Variants in PLEC observed in about 807,000 individuals in gnomAD.
The protein encoded by PLEC is plectin.
In PLEC, 216 loss-of-function variants were observed where a neutral mutation model predicts 392.8. The observed-to-expected ratio is 0.55, with a 90% CI of 0.49 to 0.62. PLEC has a LOEUF of 0.62. Ranked by LOEUF, PLEC falls within the 20% of genes least tolerant of loss-of-function variation. The pLI, the probability that PLEC is intolerant of heterozygous loss-of-function variation, is 0.00. For synonymous variants in PLEC, 3,621 were observed against 2,980.6 expected (o/e 1.21, Z -7.00); for missense variants, 6,863 against 6,563.4 (o/e 1.05, Z -1.58).
Position 143,920,295 on chromosome 8 carries a change from C to T in PLEC, c.9526G>A (p.Ala3176Thr). The T allele has an allele frequency of 6.3e-7, 1 of 1,589,868 alleles. No homozygotes were observed. ...ETSRALSAPR[A>T]DAKAYSDPST... ...GGGTCACTGTAGGCCTTGGCGTCGGCCCTTGGTGCCGACAGGGCCCTGCTG... is the reference window on the plus strand; with the variant it reads ...GGGTCACTGTAGGCCTTGGCGTCGGTCCTTGGTGCCGACAGGGCCCTGCTG... Residue 3176 changes from alanine (A) to threonine (T), a missense_variant, in exon 32 of 32, where the codon GCC (alanine) becomes ACC (threonine). Coordinates refer to ENST00000345136, the MANE Select transcript of PLEC (RefSeq NM_201384.3).
Position 143,922,621 on chromosome 8 carries a change from G to T in PLEC, c.7308C>A (p.Ile2436=), listed in dbSNP as rs782774075. 1 of 1,613,486 alleles carries T rather than the reference G, an allele frequency of 6.2e-7. No individual in the cohort carries two copies. Among genetic ancestry groups the T allele is most frequent in the Non-Finnish European group, 8.5e-7 (1 of 1,179,980 alleles). The change falls in exon 31 of 32, where the codon ATC becomes ATA. Residue 2436 remains isoleucine, a synonymous_variant. Transcript: ENST00000345136. ...CATCATGGTCACTCTGCTGTCGCTG[G>T]ATCTCCAGTGTCTGCACCAGGGTCA... ...EKVTLVQTLE[I]QRQQSDHDAE... is the part of the protein sequence containing the mutation.
chr8:143,974,709 A>G (rs921849929), upstream of PLEC, among the ~76,000 whole-genome samples: 3 of 152,110 alleles, frequency 2.0e-5, no homozygotes, highest in Admixed American at 1.3e-4. This position sits in a 1 kb window ranked among gnomAD's most constrained non-coding sequence, Gnocchi z 5.9. Flanking sequence ...CCCTTCCCCA[A>G]GCATCTCGCT....
At chr8:143,948,867 G>C (rs1831802485) in intron 1 of PLEC, among the ~76,000 whole-genome samples, 1 of 152,248 alleles carries the variant, frequency 6.6e-6, no homozygotes, top group Non-Finnish European at 1.5e-5. Flanking sequence ...GGGCAGGGGT[G>C]CCGGGTGGGA....
chr8:143,966,399 C>G (rs6981529), intron 1 of PLEC, among the ~76,000 whole-genome samples: 45,509 of 152,206 alleles, frequency 0.3, 8,058 homozygotes, highest in Non-Finnish European at 0.39. Flanking sequence ...GCATACCTAT[C>G]TCACAGGCAT....
chr8:143,929,358 G>A (rs1275177294), intron 24 of PLEC, 56 bp downstream of exon 24: 76 of 1,573,428 alleles, frequency 4.8e-5, no homozygotes, highest in Non-Finnish European at 6.1e-5. Flanking sequence ...AAGGAGGGAG[G>A]GTGGGAGGAG....
chr8:143,927,277 G>A lies in PLEC; in HGVS notation c.3815C>T (p.Ala1272Val), dbSNP rs1203429691. ...GEKVEECQRF[A>V]KQYINAIKDY... ...CTTGATGGCGTTGATGTACTGTTTC[G>A]CAAACCTCTGGCACTCCTCGACCTT... Residue 1272 changes from alanine to valine, a missense_variant, in exon 28 of 32, where the codon GCG (alanine) becomes GTG (valine). Physicochemically the swap from Ala to Val is moderately conservative, Grantham distance 64. Coordinates refer to ENST00000345136, the MANE Select transcript of PLEC (RefSeq NM_201384.3). 2.5e-6 allele frequency: 4 copies of A among 1,613,126 alleles called. No individual in the cohort carries two copies. The highest frequency in any genetic ancestry group is 2.7e-5 in the African/African-American group (2 of 74,936).
chr8:143,921,011 T>A lies in PLEC; in HGVS notation c.8810A>T (p.Gln2937Leu), dbSNP rs782244419. 3 of 1,613,238 alleles carry A rather than the reference T, an allele frequency of 1.9e-6. No homozygotes were observed. The highest frequency in any genetic ancestry group is 2.5e-6 in the Non-Finnish European group (3 of 1,180,026). Reference sequence around the variant, plus strand: ...GAACTGCCGCAGCAGGTCCCGCCGCTGCTCTGCCGTGAAGTATTCCGAGTT... The same window carrying A: ...GAACTGCCGCAGCAGGTCCCGCCGCAGCTCTGCCGTGAAGTATTCCGAGTT... ...IINSEYFTAE[Q>L]RRDLLRQFRT... Residue 2937 changes from glutamine to leucine, a missense_variant, in exon 32 of 32, where the codon CAG (glutamine) becomes CTG (leucine). Gln to Leu is a moderately radical substitution (Grantham distance 113). Transcript: ENST00000345136.
At chr8:143,926,327 A>C (rs1299977298) in intron 30 of PLEC, among the ~76,000 whole-genome samples, 1 of 152,102 alleles carries the variant, frequency 6.6e-6, no homozygotes, top group Non-Finnish European at 1.5e-5. Flanking sequence ...CAGCGTGGAG[A>C]CAGCAGTGCA....
chr8:143,943,682 G>A, upstream of PLEC: 1 of 1,170,830 alleles, frequency 8.5e-7, no homozygotes, highest in East Asian at 2.5e-5. Flanking sequence ...CATTCAGCTT[G>A]GAAACAGGAA....
chr8:143,946,869 C>T (rs782451093), intron 1 of PLEC, among the ~76,000 whole-genome samples: 1 of 151,526 alleles, frequency 6.6e-6, no homozygotes, highest in Non-Finnish European at 1.5e-5. Context: ...ACTCACATTC[C>T]TCAGCCCCAA....
At chr8:143,946,480 G>A (rs907414050) in intron 1 of PLEC, 13 of 948,720 alleles carry the variant, frequency 1.4e-5, no homozygotes, top group Non-Finnish European at 1.6e-5. Context: ...CAGAGGGAGG[G>A]CCCACTCATG....
Position 143,915,890 on chromosome 8 carries a change from T to C in PLEC, c.*287A>G. 3.6e-6 allele frequency: 1 copy of C among 278,080 alleles called. No homozygotes were observed. Among genetic ancestry groups the C allele is most frequent in the South Asian group, 6.7e-5 (1 of 14,986 alleles). 17.2% of individuals were successfully genotyped at this position (278,080 alleles called of 1,614,324 possible). On this transcript the variant is annotated 3_prime_UTR_variant, in exon 32 of 32. Coordinates refer to ENST00000345136, the MANE Select transcript of PLEC (RefSeq NM_201384.3). ...ACCCTGGGAAGACAGGAGGGTGGGC[T>C]GGGGCCCAGCTTGGGACCCTCCAAG...
upstream of PLEC, chr8:143,943,715 G>A (rs1830923676): frequency 6.8e-7 from 1 of 1,464,936 alleles, no homozygotes. Flanking sequence ...GGGAATGAAG[G>A]GGCGGGAGGC....
At position 143,925,922 on chromosome 8, in the gene PLEC, A is replaced by T. The variant is rs782820045; in HGVS notation, c.4045-38T>A. 240 of 1,531,800 alleles carry T rather than the reference A, an allele frequency of 1.6e-4. 2 individuals carry two copies. The highest frequency in any genetic ancestry group is 2.0e-4 in the Non-Finnish European group (224 of 1,144,120). 94.9% of individuals were successfully genotyped at this position (1,531,800 alleles called of 1,614,324 possible). A position where few individuals can be genotyped will look rare whatever the true frequency, so the allele number is the denominator to read the frequency against. On this transcript the variant is annotated intron_variant, in intron 30 of 31. Coordinates refer to ENST00000345136, the MANE Select transcript of PLEC (RefSeq NM_201384.3). ...CAGAGAGAAGAAGAGAAGCAGAGAG[A>T]GTGTGAACACGGGCAGGCGCTGACG...
upstream of PLEC, among the ~76,000 whole-genome samples, chr8:143,973,797 A>G (rs1440862940): frequency 6.7e-6 from 1 of 149,410 alleles, no homozygotes; most frequent in Non-Finnish European, 1.5e-5. This position sits in a 1 kb window ranked among gnomAD's most constrained non-coding sequence, Gnocchi z 5.6. Flanking sequence ...GGCGGCCGCG[A>G]CCTGTCTGTT....
Position 143,919,403 on chromosome 8 carries a change from C to T in PLEC, c.10418G>A (p.Gly3473Asp), listed in dbSNP as rs1554678160. 1 of 1,613,344 alleles carries T rather than the reference C, an allele frequency of 6.2e-7. No homozygotes were observed. Among genetic ancestry groups the T allele is most frequent in the Admixed American group, 1.7e-5 (1 of 60,008 alleles). Residue 3473 changes from glycine to aspartate, a missense_variant, in exon 32 of 32, where the codon GGC becomes GAC. By Grantham distance (94) the Gly-to-Asp change is moderately conservative. Transcript: ENST00000345136. ...RLLEAQIATG[G>D]IIDPVHSHRV... is the part of the protein sequence containing the mutation. ...GTGGCTGTGCACGGGGTCGATGATG[C>T]CGCCCGTGGCGATCTGGGCCTCCAG...
chr8:143,945,991 G>T (rs1554731978), intron 1 of PLEC, among the ~76,000 whole-genome samples: 1 of 152,270 alleles, frequency 6.6e-6, no homozygotes, highest in African/African-American at 2.4e-5. Flanking sequence ...ACAGCATCTG[G>T]CCAGCAGTGG....
At chr8:143,934,280 C>G (rs572838792) in intron 11 of PLEC, 38 bp downstream of exon 11, 1 of 1,609,966 alleles carries the variant, frequency 6.2e-7, no homozygotes, top group Non-Finnish European at 8.5e-7. Context: ...GTGACACACC[C>G]TCGGGTGGTT....
In PLEC at chr8:143,916,845, T is replaced by A; in HGVS notation, c.12976A>T (p.Thr4326Ser). ...ACTGGIIDPS[T>S]GERFPVTDAV... ...TCGGTGACAGGGAAGCGCTCACCGG[T>A]GCTGGGGTCGATGATGCCCCCGGTG... Residue 4326 changes from threonine to serine, a missense_variant, in exon 32 of 32, where the codon ACC becomes TCC. Coordinates refer to ENST00000345136, the MANE Select transcript of PLEC (RefSeq NM_201384.3). The A allele has an allele frequency of 6.2e-7, 1 of 1,612,354 alleles. No individual in the cohort carries two copies.
Sources: allele counts gnomAD v4.1 joint callset (sites outside exome capture counted in the v4.1 genomes callset), GRCh38; gene constraint gnomAD v4.1.1; non-coding constraint Gnocchi (gnomAD v3.1); transcripts MANE v1.5; gene names NCBI Gene and HGNC (gene_info 2026-07-23, HGNC 2026-07-21).